Variants in GTF2I observed in about 807,000 individuals in gnomAD.
GTF2I encodes general transcription factor IIi.
Under a neutral mutation model 67.6 loss-of-function variants are expected in GTF2I, and 12 were observed. The ratio of observed to expected loss-of-function variants is 0.18; its 90% CI spans 0.11 to 0.29. The LOEUF (loss-of-function observed/expected upper bound fraction) is 0.29. Ranked by LOEUF, GTF2I falls within the 10% of genes least tolerant of loss-of-function variation. The pLI is 1.00. For synonymous variants in GTF2I, 149 were observed against 197.0 expected, an observed-to-expected ratio of 0.76 and a Z score of 2.04; for missense variants, 271 against 580.1, an observed-to-expected ratio of 0.47 and a Z score of 5.47.
intron 1 of GTF2I, among the ~76,000 whole-genome samples, chr7:74,667,757 A>G (rs587667590): frequency 6.6e-6 from 1 of 151,640 alleles, no homozygotes; most frequent in South Asian, 2.1e-4. Context: ...AGCTCAAACA[A>G]TCTGCCTGCA....
At chr7:74,659,832 C>T (rs1205712017) in intron 1 of GTF2I, among the ~76,000 whole-genome samples, 1 of 152,144 alleles carries the variant, frequency 6.6e-6, no homozygotes, top group Non-Finnish European at 1.5e-5. Flanking sequence ...CTTGAGCCAC[C>T]ACGCTGGGCC....
In GTF2I at chr7:74,699,073, G is replaced by A. The variant is rs782049177; in HGVS notation, c.351G>A (p.Glu117=). The A allele has an allele frequency of 9.9e-6, 15 of 1,513,656 alleles. No individual in the cohort carries two copies. The highest frequency in any genetic ancestry group is 1.2e-5 in the Non-Finnish European group (14 of 1,126,486). 93.8% of individuals were successfully genotyped at this position (1,513,656 alleles called of 1,614,324 possible). The part of the protein sequence containing the change: ...VEIETLRKTV[E]DYFCFCYGKA... ...TTGAAACACTCAGAAAAACAGTTGA[G>A]GACTATTTCTGCTTTTGCTATGGTA... The change falls in exon 4 of 35, where the codon GAG becomes GAA. Residue 117 remains glutamate, a synonymous_variant. Coordinates refer to ENST00000573035, the MANE Select transcript of GTF2I (RefSeq NM_032999.4).
rs111568087 is a variant in GTF2I at position 74,706,038 on chromosome 7, C to T, written c.642-352C>T. Among the ~76,000 whole-genome samples, 961 of 151,792 alleles carry T rather than the reference C, an allele frequency of 6.3e-3. 10 individuals carry two copies. The highest frequency in any genetic ancestry group is 0.02 in the African/African-American group (841 of 41,406). On this transcript the variant is annotated intron_variant, in intron 7 of 34. Transcript: ENST00000573035. ...CATGATCTCAGCTCACTGCAACCTCCACCTCCCGGATTCAAGTGATTCAGG... is the reference window on the plus strand; with the variant it reads ...CATGATCTCAGCTCACTGCAACCTCTACCTCCCGGATTCAAGTGATTCAGG...
chr7:74,693,901 T>G (rs900257878), intron 3 of GTF2I, among the ~76,000 whole-genome samples: 2 of 152,092 alleles, frequency 1.3e-5, no homozygotes, highest in Non-Finnish European at 2.9e-5. Context: ...CTCTGAGTGT[T>G]CAAGTGAAAG....
chr7:74,688,597 T>C (rs1346606306), intron 1 of GTF2I, among the ~76,000 whole-genome samples: 3 of 152,096 alleles, frequency 2.0e-5, no homozygotes, highest in African/African-American at 4.8e-5. Context: ...GCTGGGATGA[T>C]AGGCATGAGC....
At chr7:74,693,628 C>T (rs983256609) in intron 3 of GTF2I, among the ~76,000 whole-genome samples, 12 of 151,828 alleles carry the variant, frequency 7.9e-5, no homozygotes, top group South Asian at 2.1e-4. Context: ...GTGTGGACCA[C>T]GAGGTCAAGA....
chr7:74,757,682 TA>T (rs1796119511), intron 32 of GTF2I, among the ~76,000 whole-genome samples: 1 of 87,168 alleles, frequency 1.1e-5, no homozygotes, highest in African/African-American at 3.7e-5. Context: ...AAAGCATAAC[TA>T]AGGAGCTTGT....
chr7:74,731,811 C>G (rs1794510860), intron 14 of GTF2I, among the ~76,000 whole-genome samples: 1 of 150,758 alleles, frequency 6.6e-6, no homozygotes, highest in South Asian at 2.1e-4. Flanking sequence ...TCCCAGAGTG[C>G]TGGGATTACA....
intron 1 of GTF2I, among the ~76,000 whole-genome samples, chr7:74,681,177 G>A (rs1307942730): frequency 5.9e-5 from 9 of 152,340 alleles, no homozygotes; most frequent in Non-Finnish European, 8.8e-5. Context: ...GCTTATGCCT[G>A]TAATCCCAGC....
intron 8 of GTF2I, among the ~76,000 whole-genome samples, chr7:74,707,271 C>T (rs1176616233): frequency 1.3e-5 from 2 of 152,252 alleles, no homozygotes; most frequent in Non-Finnish European, 2.9e-5. Flanking sequence ...CCTCCCGCTG[C>T]TCGGCCCTGT....
intron 1 of GTF2I, among the ~76,000 whole-genome samples, chr7:74,667,038 G>C (rs977436335): frequency 6.6e-6 from 1 of 151,760 alleles, no homozygotes; most frequent in Non-Finnish European, 1.5e-5. Flanking sequence ...CCAGACACTC[G>C]GGAGGCTGAG....
chr7:74,701,083 G>T (rs1267833173), intron 6 of GTF2I, among the ~76,000 whole-genome samples: 2 of 152,210 alleles, frequency 1.3e-5, no homozygotes, highest in African/African-American at 4.8e-5. Context: ...CTCTGAGAAA[G>T]TGCTGTGGAT....
chr7:74,670,390 C>A (rs987633687), intron 1 of GTF2I, among the ~76,000 whole-genome samples: 3 of 152,078 alleles, frequency 2.0e-5, no homozygotes, highest in Non-Finnish European at 2.9e-5. Flanking sequence ...CTTCTGTGAA[C>A]AGTGCTTTTA....
At chr7:74,749,852 C>T (rs1449334322) in intron 26 of GTF2I, among the ~76,000 whole-genome samples, 3 of 131,956 alleles carry the variant, frequency 2.3e-5, no homozygotes, top group African/African-American at 8.2e-5. Flanking sequence ...CGTGCCACTG[C>T]ACTCCAGCCT....
intron 2 of GTF2I, 129 bp downstream of exon 2, chr7:74,689,356 T>G (rs1333767017): frequency 2.0e-6 from 1 of 495,090 alleles, no homozygotes; most frequent in African/African-American, 2.3e-5. Flanking sequence ...TACTTTTTTT[T>G]TTTTTTTTTT....
At chr7:74,669,002 C>G (rs891418371) in intron 1 of GTF2I, among the ~76,000 whole-genome samples, 3 of 151,202 alleles carry the variant, frequency 2.0e-5, no homozygotes, top group South Asian at 2.1e-4. Flanking sequence ...TCCCAAAGTG[C>G]TGGGATTCAG....
At chr7:74,689,033 A>T in intron 1 of GTF2I, 91 bp from the exon 2 acceptor site, 1 of 721,164 alleles carries the variant, frequency 1.4e-6, no homozygotes. Flanking sequence ...ACTGTAAATT[A>T]GGCAGCCGGT....
intron 1 of GTF2I, among the ~76,000 whole-genome samples, chr7:74,659,944 T>C (rs1490672815): frequency 1.3e-5 from 2 of 152,140 alleles, no homozygotes; most frequent in South Asian, 2.1e-4. Flanking sequence ...GGGAAGTTAG[T>C]TTGCAAATGA....
chr7:74,686,793 GC>G (rs1787759083), intron 1 of GTF2I, among the ~76,000 whole-genome samples: 1 of 152,050 alleles, frequency 6.6e-6, no homozygotes, highest in African/African-American at 2.4e-5. Flanking sequence ...GCTTGATACG[GC>G]CTTTACTTCC....
Sources: gnomAD v4.1 joint callset for allele counts (sites outside exome capture counted in the v4.1 genomes callset) on GRCh38, gnomAD v4.1.1 for gene constraint, MANE v1.5 for transcripts, NCBI Gene and HGNC (gene_info 2026-07-23, HGNC 2026-07-21) for gene names.